Variants in HAP1 observed in about 807,000 individuals in gnomAD.
The protein encoded by HAP1 is huntingtin-associated protein 1.
Under a neutral mutation model 60.3 loss-of-function variants are expected in HAP1, and 59 were observed. The observed-to-expected ratio is 0.98, with a 90% CI of 0.79 to 1.22. The LOEUF (loss-of-function observed/expected upper bound fraction) is 1.22, where lower values mean the gene tolerates loss of function less well. Among genes scored for constraint, HAP1 ranks in the 50% most tolerant of loss-of-function variants. HAP1 has a pLI of 0.00. For synonymous variants in HAP1, 346 were observed against 330.6 expected, an observed-to-expected ratio of 1.05 and a Z score of -0.50; for missense variants, 825 against 785.3, an observed-to-expected ratio of 1.05 and a Z score of -0.60.
intron 10 of HAP1, 82 bp downstream of exon 10, chr17:41,725,777 G>T: frequency 2.0e-6 from 2 of 1,017,918 alleles, no homozygotes; most frequent in Non-Finnish European, 3.1e-6. Context: ...CGGAGTTGCA[G>T]GGTGGCAGAA....
intron 9 of HAP1, among the ~76,000 whole-genome samples, chr17:41,726,560 C>CAA (rs57464420): frequency 0.016 from 1,807 of 114,032 alleles, 15 homozygotes; most frequent in African/African-American, 0.028. Flanking sequence ...AGACTCGTCT[C>CAA]AAAAAAAAAA....
Position 41,724,575 on chromosome 17 carries a change from C to T in HAP1, c.*126G>A, listed in dbSNP as rs144352175. ...GCCACATAAATGAGCACTGACACTACGGTTCCCACTGAAGGGGATCAGAGG... is the reference window on the plus strand; with the variant it reads ...GCCACATAAATGAGCACTGACACTATGGTTCCCACTGAAGGGGATCAGAGG... On this transcript the variant is annotated 3_prime_UTR_variant, in exon 11 of 11. Transcript: ENST00000347901. The T allele has an allele frequency of 0.011, 7,554 of 705,274 alleles. 123 individuals carry two copies. Among genetic ancestry groups the T allele is most frequent in the Admixed American group, 0.052 (2,201 of 42,666 alleles). The allele number at this position is 705,274 out of a possible 1,614,324, so 43.7% of individuals were successfully genotyped here. A position where few individuals can be genotyped will look rare whatever the true frequency, so the allele number is the denominator to read the frequency against.
rs1328664916 is a variant in HAP1, at chr17:41,724,485, C to G, written c.*216G>C. The G allele has an allele frequency of 1.5e-5, 9 of 581,788 alleles. No homozygotes were observed. The highest frequency in any genetic ancestry group is 2.1e-5 in the Non-Finnish European group (7 of 326,250). 36.0% of individuals were successfully genotyped at this position (581,788 alleles called of 1,614,324 possible). A position where few individuals can be genotyped will look rare whatever the true frequency, so the allele number is the denominator to read the frequency against. Reference sequence around the variant, plus strand: ...GAGGCGCAGTGTGGGGGCACAGTCCCAGCCCTAACCCCCAGCCCAGCCCCC... The same window carrying G: ...GAGGCGCAGTGTGGGGGCACAGTCCGAGCCCTAACCCCCAGCCCAGCCCCC... On this transcript the variant is annotated 3_prime_UTR_variant, in exon 11 of 11. Coordinates refer to ENST00000347901, the MANE Select transcript of HAP1 (RefSeq NM_177977.3).
intron 9 of HAP1, among the ~76,000 whole-genome samples, 167 bp downstream of exon 9, chr17:41,726,886 G>A (rs1035664734): frequency 1.3e-5 from 2 of 152,026 alleles, no homozygotes; most frequent in East Asian, 1.9e-4. Context: ...ATACCTCAGG[G>A]GGAAGTGATG....
intron 6 of HAP1, among the ~76,000 whole-genome samples, chr17:41,729,342 G>A (rs1782868533): frequency 6.7e-6 from 1 of 148,488 alleles, no homozygotes. Flanking sequence ...TTGAGGTCAG[G>A]ATTTCAACAC....
rs78148581 is a variant in HAP1 at position 41,724,608 on chromosome 17, G to A, written c.*93C>T. 3.2e-3 allele frequency: 2,836 copies of A among 881,368 alleles called. 40 individuals carry two copies. The African/African-American group carries it at 0.04, about 13-fold the overall frequency. The allele number at this position is 881,368 out of a possible 1,614,324, so 54.6% of individuals were successfully genotyped here. On this transcript the variant is annotated 3_prime_UTR_variant, in exon 11 of 11. Transcript: ENST00000347901. ...ACTGAAGGGGATCAGAGGTGTCTAT[G>A]CAAATGATATGCAAAGTCCATGCAA...
chr17:41,727,747 G>A lies in HAP1; in HGVS notation c.1275+15C>T, dbSNP rs199953004. On this transcript the variant is annotated intron_variant, in intron 8 of 10. Coordinates refer to ENST00000347901, the MANE Select transcript of HAP1 (RefSeq NM_177977.3). The stretch of plus-strand genomic sequence containing the variant: ...GCTCTCCAGGGTGGGGGCAGAAGCC[G>A]GCAGCGAGACTCACCTCTTCCTGGA... The A allele has an allele frequency of 1.9e-3, 2,936 of 1,585,942 alleles. 4 individuals are homozygous for A. The highest frequency in any genetic ancestry group is 2.3e-3 in the Non-Finnish European group (2,684 of 1,156,600).
intron 8 of HAP1, chr17:41,727,550 G>A: frequency 1.4e-6 from 1 of 696,622 alleles, no homozygotes; most frequent in East Asian, 2.6e-5. Context: ...TGTCATGTGG[G>A]GGACCCAGGG....
downstream of HAP1, chr17:41,717,772 G>C (rs1351487383): frequency 3.7e-6 from 1 of 273,804 alleles, no homozygotes; most frequent in Non-Finnish European, 8.1e-6. Flanking sequence ...TCTGCCTCTC[G>C]GGCAAAACAG....
downstream of HAP1, among the ~76,000 whole-genome samples, chr17:41,720,080 G>A (rs538255155): frequency 2.6e-5 from 4 of 151,738 alleles, no homozygotes; most frequent in African/African-American, 9.7e-5. Context: ...TAGTAGAGGC[G>A]GGGTTTCACC....
At chr17:41,721,317 T>C (rs1052938830), downstream of HAP1, 1 of 152,626 alleles carries the variant, frequency 6.6e-6, no homozygotes, top group Non-Finnish European at 1.5e-5. Context: ...CACAGGCCAG[T>C]GGCATCTGTG....
At chr17:41,728,946 GTTTATTTA>G (rs55669552) in intron 6 of HAP1, among the ~76,000 whole-genome samples, 1 of 150,854 alleles carries the variant, frequency 6.6e-6, no homozygotes, top group Non-Finnish European at 1.5e-5. Flanking sequence ...GGGTTTGTTG[GTTTATTTA>G]TTTATTTATT....
rs1434355177 is a variant in HAP1, at chr17:41,732,403, G to T, written c.550-9C>A. The T allele has an allele frequency of 6.2e-7, 1 of 1,613,512 alleles. No homozygotes were observed. The highest frequency in any genetic ancestry group is 8.5e-7 in the Non-Finnish European group (1 of 1,179,738). On this transcript the variant is annotated splice_polypyrimidine_tract_variant and intron_variant, in intron 2 of 10. Transcript: ENST00000347901. ...CAGACAGGTGGGAGAAGCTGGGGGG[G>T]ACACAGGGGTCAGAGAGAGGCTAGG...
chr17:41,728,091 T>A (rs1911826131), intron 7 of HAP1, 110 bp downstream of exon 7: 12 of 1,318,390 alleles, frequency 9.1e-6, no homozygotes, highest in Non-Finnish European at 1.3e-5. Context: ...GGTCTCTGAC[T>A]CTGACACAGA....
chr17:41,733,442 C>G lies in HAP1; in HGVS notation c.470-644G>C, dbSNP rs534658861. Among the ~76,000 whole-genome samples, 3 of 145,270 alleles carry G rather than the reference C, an allele frequency of 2.1e-5. No individual in the cohort carries two copies. In the South Asian group the frequency reaches 6.7e-4, roughly 32 times the overall value. On this transcript the variant is annotated intron_variant, in intron 1 of 10. Transcript: ENST00000347901. ...AGGCTCAGAAACTGGGCTCTCCGGA[C>G]ACCTGGGTCCCTGGCGCCTAGAATG...
chr17:41,723,005 G>A lies in HAP1; in HGVS notation c.*1696C>T, dbSNP rs1156804983. 1 of 152,516 alleles carries A rather than the reference G, an allele frequency of 6.6e-6. No individual in the cohort carries two copies. Among genetic ancestry groups the A allele is most frequent in the Non-Finnish European group, 1.5e-5 (1 of 68,284 alleles). 9.4% of individuals were successfully genotyped at this position (152,516 alleles called of 1,614,324 possible). ...ACAGTAGGTAGGGACTGAGAAGAAA[G>A]GATGAAGAACAGGGAAGACAGCCAG... On this transcript the variant is annotated 3_prime_UTR_variant, in exon 11 of 11. Transcript: ENST00000347901.
At chr17:41,730,192 C>G (rs1912085864) in intron 6 of HAP1, 1 of 150,986 alleles carries the variant, frequency 6.6e-6, no homozygotes, top group Admixed American at 6.7e-5. Flanking sequence ...TAGGTGCGAT[C>G]CTATTACTGA....
At position 41,734,519 on chromosome 17, in the gene HAP1, G is replaced by T. The variant is rs373530225; in HGVS notation, c.116C>A (p.Ala39Glu). 6.2e-7 allele frequency: 1 copy of T among 1,611,592 alleles called. No individual in the cohort carries two copies. Among genetic ancestry groups the T allele is most frequent in the African/African-American group, 1.3e-5 (1 of 74,918 alleles). The stretch of plus-strand genomic sequence containing the variant: ...TCCAGTGCCCCGTGCCTGCGGCTGC[G>T]CAGAGGGCTCCGGAGCGGGACTGGC... Reference protein sequence around the residue: ...PSASPAPEPSAQPQARGTGQR... With the variant: ...PSASPAPEPSEQPQARGTGQR... The change falls in exon 1 of 11, where the codon GCG becomes GAG. Residue 39 changes from alanine (A) to glutamate (E), a missense_variant. Coordinates refer to ENST00000347901, the MANE Select transcript of HAP1 (RefSeq NM_177977.3).
rs1912571575 is a variant in HAP1 at position 41,734,576 on chromosome 17, G to A, written c.59C>T (p.Pro20Leu). 1 of 1,590,852 alleles carries A rather than the reference G, an allele frequency of 6.3e-7. No homozygotes were observed. Among genetic ancestry groups the A allele is most frequent in the Non-Finnish European group, 8.5e-7 (1 of 1,169,828 alleles). The change falls in exon 1 of 11, where the codon CCA (proline) becomes CTA (leucine). Residue 20 changes from proline (P) to leucine (L), a missense_variant. Pro to Leu is a moderately conservative substitution (Grantham distance 98). Transcript: ENST00000347901. Reference protein sequence around the residue: ...CAGSRLGPGDPAALTCAPSPS... With the variant: ...CAGSRLGPGDLAALTCAPSPS... ...CGAAGGTGCACAGGTGAGTGCTGCT[G>A]GGTCCCCGGGTCCGAGCCGGCTCCC...
Sources: gnomAD v4.1 joint callset for allele counts (sites outside exome capture counted in the v4.1 genomes callset) on GRCh38, gnomAD v4.1.1 for gene constraint, MANE v1.5 for transcripts, NCBI Gene and HGNC (gene_info 2026-07-23, HGNC 2026-07-21) for gene names.